ADARB2: variants seen among roughly 807,000 people sequenced by gnomAD.
The protein encoded by ADARB2 is inactive double-stranded RNA-specific editase B2.
A neutral mutation model predicts 62.2 loss-of-function variants in ADARB2; 25 were observed. The observed-to-expected ratio is 0.40, with a 90% CI of 0.29 to 0.56. ADARB2 has a LOEUF of 0.56. Among genes scored for constraint, ADARB2 ranks in the 20% least tolerant of loss-of-function variants. The pLI, the probability that ADARB2 is intolerant of heterozygous loss-of-function variation, is 0.43. For synonymous variants in ADARB2, 572 were observed against 500.8 expected (o/e 1.14, Z -1.90); for missense variants, 1,071 against 1,077.4 (o/e 0.99, Z 0.08).
At chr10:1,260,063 C>T (rs1269107067) in intron 4 of ADARB2, among the ~76,000 whole-genome samples, 2 of 152,088 alleles carry the variant, frequency 1.3e-5, no homozygotes, top group Non-Finnish European at 2.9e-5. Context: ...ATGATTATCT[C>T]AATAGATGCA....
chr10:1,327,497 C>CCTCACTGCACAGCGCCTT (rs1831878282), intron 3 of ADARB2, among the ~76,000 whole-genome samples: 4 of 80,576 alleles, frequency 5.0e-5, no homozygotes, highest in Admixed American at 1.1e-4. Context: ...CACAGCGCCT[C>CCTCACTGCACAGCGCCTT]CTCACTGCCC....
chr10:1,303,222 G>A (rs1022755294), intron 3 of ADARB2, among the ~76,000 whole-genome samples: 10 of 152,196 alleles, frequency 6.6e-5, no homozygotes, highest in South Asian at 6.2e-4. Flanking sequence ...CGAGAACTAC[G>A]TGAAGAATGC....
At chr10:1,209,626 C>G (rs1467517878) in intron 7 of ADARB2, among the ~76,000 whole-genome samples, 3 of 151,042 alleles carry the variant, frequency 2.0e-5, no homozygotes, top group African/African-American at 7.3e-5. Context: ...CCATCACCCA[C>G]ACCCACATCC....
intron 1 of ADARB2, among the ~76,000 whole-genome samples, chr10:1,650,555 CA>C (rs1257783006): frequency 6.6e-6 from 1 of 152,186 alleles, no homozygotes; most frequent in Non-Finnish European, 1.5e-5. Context: ...CCTTCCCATA[CA>C]AAAGTGGCAG....
At position 1,255,511 on chromosome 10, in the gene ADARB2, G is replaced by A. The variant is rs933836707; in HGVS notation, c.1193-13212C>T. ...ACGCTGGCTGCTGTCCACCTGTGAT[G>A]GCCTCGGGCACTGTGGCCCCCACTA... On this transcript the variant is annotated intron_variant, in intron 4 of 9. Coordinates refer to ENST00000381312, the MANE Select transcript of ADARB2 (RefSeq NM_018702.4). The surrounding 1 kb of genome is among the most constrained non-coding windows in gnomAD (Gnocchi z 4.7). Among the ~76,000 whole-genome samples, 3 of 152,238 alleles carry A rather than the reference G, an allele frequency of 2.0e-5. No individual in the cohort carries two copies. Among genetic ancestry groups the A allele is most frequent in the African/African-American group, 7.2e-5 (3 of 41,470 alleles).
At chr10:1,462,890 A>C (rs997594971) in intron 1 of ADARB2, among the ~76,000 whole-genome samples, 1 of 152,200 alleles carries the variant, frequency 6.6e-6, no homozygotes, top group Non-Finnish European at 1.5e-5. Context: ...GAGTGTAGGC[A>C]TAGGCATTTA....
chr10:1,298,715 C>T (rs1052848280), intron 3 of ADARB2, among the ~76,000 whole-genome samples: 4 of 134,790 alleles, frequency 3.0e-5, no homozygotes, highest in Non-Finnish European at 4.6e-5. Flanking sequence ...CCATGTGCGA[C>T]GGGAATTTTT....
intron 8 of ADARB2, among the ~76,000 whole-genome samples, chr10:1,193,146 G>T (rs551169449): frequency 3.3e-4 from 50 of 152,360 alleles, no homozygotes; most frequent in African/African-American, 1.2e-3. Flanking sequence ...TGCAAGTTCT[G>T]CTGGGACAGC....
chr10:1,500,863 C>A (rs900192877), intron 1 of ADARB2, among the ~76,000 whole-genome samples: 1 of 152,126 alleles, frequency 6.6e-6, no homozygotes, highest in Non-Finnish European at 1.5e-5. Context: ...TCTAGTGCAC[C>A]TTTTAAAATT....
intron 1 of ADARB2, among the ~76,000 whole-genome samples, chr10:1,461,308 C>T (rs148869136): frequency 2.4e-3 from 364 of 152,294 alleles, no homozygotes; most frequent in African/African-American, 8.5e-3. Flanking sequence ...CTATTGTCTT[C>T]ATCAGAACAC....
At chr10:1,306,869 A>G (rs367840279) in intron 3 of ADARB2, among the ~76,000 whole-genome samples, 6 of 150,334 alleles carry the variant, frequency 4.0e-5, no homozygotes, top group Non-Finnish European at 8.9e-5. Context: ...TGGGAAAACT[A>G]GCTAGCCATA....
intron 3 of ADARB2, among the ~76,000 whole-genome samples, chr10:1,283,681 A>G (rs1000597120): frequency 6.6e-6 from 1 of 152,158 alleles, no homozygotes; most frequent in Non-Finnish European, 1.5e-5. Context: ...ATGCCTGAGC[A>G]GTGGAGTGTT....
chr10:1,732,104 T>C (rs1000961250), intron 1 of ADARB2, among the ~76,000 whole-genome samples: 1 of 152,154 alleles, frequency 6.6e-6, no homozygotes, highest in Non-Finnish European at 1.5e-5. Context: ...GACATTCATT[T>C]TCTACTATTT....
At position 1,426,146 on chromosome 10, in the gene ADARB2, C is replaced by A. The variant is rs1467422034; in HGVS notation, c.101-46986G>T. 6.6e-6 allele frequency among the ~76,000 whole-genome samples: 1 copy of A among 152,106 alleles called. No homozygotes were observed. Among genetic ancestry groups the A allele is most frequent in the Non-Finnish European group, 1.5e-5 (1 of 68,028 alleles). The stretch of plus-strand genomic sequence containing the variant: ...CAAAACTCATATAGAGAAGGGGAAT[C>A]AAGATCTGATGTGTAAAAGAGCCTG... On this transcript the variant is annotated intron_variant, in intron 1 of 9. Coordinates refer to ENST00000381312, the MANE Select transcript of ADARB2 (RefSeq NM_018702.4). The surrounding 1 kb of genome is among the most constrained non-coding windows in gnomAD (Gnocchi z 4.1).
At chr10:1,642,691 A>C (rs1374301164) in intron 1 of ADARB2, among the ~76,000 whole-genome samples, 1 of 150,804 alleles carries the variant, frequency 6.6e-6, no homozygotes, top group East Asian at 1.9e-4. Context: ...CACCATAGAC[A>C]CTCACACACT....
At chr10:1,517,590 T>C (rs1832021468) in intron 1 of ADARB2, among the ~76,000 whole-genome samples, 1 of 152,212 alleles carries the variant, frequency 6.6e-6, no homozygotes, top group Non-Finnish European at 1.5e-5. Flanking sequence ...CCCCCACCAA[T>C]GCCCACCAAG....
chr10:1,296,097 T>G (rs1315820707), intron 3 of ADARB2, among the ~76,000 whole-genome samples: 1 of 152,218 alleles, frequency 6.6e-6, no homozygotes, highest in Non-Finnish European at 1.5e-5. Context: ...CCTGTCATGG[T>G]GCTGGCAGAT....
intron 1 of ADARB2, among the ~76,000 whole-genome samples, chr10:1,616,059 G>A (rs538095337): frequency 6.6e-6 from 1 of 152,360 alleles, no homozygotes; most frequent in African/African-American, 2.4e-5. Context: ...GGTGGCAGGG[G>A]GAGGCTGGAA....
intron 1 of ADARB2, among the ~76,000 whole-genome samples, chr10:1,418,888 G>T: frequency 6.6e-6 from 1 of 151,942 alleles, no homozygotes; most frequent in East Asian, 1.9e-4. Context: ...TTTCTGTTTT[G>T]TGCGTGCTGT....
Sources: allele counts gnomAD v4.1 joint callset (sites outside exome capture counted in the v4.1 genomes callset), GRCh38; gene constraint gnomAD v4.1.1; non-coding constraint Gnocchi (gnomAD v3.1); transcripts MANE v1.5; gene names NCBI Gene and HGNC (gene_info 2026-07-23, HGNC 2026-07-21).